The following RAB21 variants were observed in gnomAD, a reference collection of about 807,000 sequenced individuals.
RAB21 encodes RAB21, member RAS oncogene family.
RAB21 carries 13 observed loss-of-function variants against 33.1 expected under a neutral mutation model. That is an observed-to-expected ratio of 0.39 (90% CI 0.26 to 0.62). The LOEUF is 0.62. Ranked by LOEUF, RAB21 falls within the 20% of genes least tolerant of loss-of-function variation. The pLI, the probability that RAB21 is intolerant of heterozygous loss-of-function variation, is 0.48. For synonymous variants in RAB21, 91 were observed against 103.7 expected, an observed-to-expected ratio of 0.88 and a Z score of 0.74; for missense variants, 234 against 279.1, an observed-to-expected ratio of 0.84 and a Z score of 1.15.
rs1018866432 is a variant in RAB21, at chr12:71,790,778, C to T, written c.*5105C>T. 2.6e-5 allele frequency: 4 copies of T among 151,750 alleles called. No homozygotes were observed. The highest frequency in any genetic ancestry group is 5.9e-5 in the Non-Finnish European group (4 of 67,956). 9.4% of individuals were successfully genotyped at this position (151,750 alleles called of 1,614,324 possible). A position where few individuals can be genotyped will look rare whatever the true frequency, so the allele number is the denominator to read the frequency against. On this transcript the variant is annotated 3_prime_UTR_variant, in exon 7 of 7. Transcript: ENST00000261263. ...CTTACCCATGTGTTTTGCCATTTGC[C>T]TTTTCTCTTGCCAACGTGTCTAGGA...
At position 71,785,636 on chromosome 12, in the gene RAB21, C is replaced by T; in HGVS notation, c.641C>T (p.Ala214Val). Residue 214 changes from alanine to valine, a missense_variant, in exon 7 of 7, where the codon GCC (alanine) becomes GTC (valine). Coordinates refer to ENST00000261263, the MANE Select transcript of RAB21 (RefSeq NM_014999.4). ...GVQIIDDEPQ[A>V]QTSGGGCCSS... The stretch of plus-strand genomic sequence containing the variant: ...CAGATTATTGATGATGAACCTCAAG[C>T]CCAGACCAGTGGTGGAGGGTGCTGT... 2 of 1,614,142 alleles carry T rather than the reference C, an allele frequency of 1.2e-6. No individual in the cohort carries two copies. The highest frequency in any genetic ancestry group is 1.7e-6 in the Non-Finnish European group (2 of 1,180,024).
At chr12:71,758,485 A>G (rs1882822125) in intron 1 of RAB21, among the ~76,000 whole-genome samples, 2 of 150,558 alleles carry the variant, frequency 1.3e-5, no homozygotes, top group African/African-American at 2.4e-5. Context: ...TGACAGTGAC[A>G]TCGTTTTAAA....
At chr12:71,775,702 A>G (rs1883109315) in intron 4 of RAB21, among the ~76,000 whole-genome samples, 1 of 151,948 alleles carries the variant, frequency 6.6e-6, no homozygotes, top group Non-Finnish European at 1.5e-5. Flanking sequence ...ACGCCCAGCT[A>G]ATTTTTGTAT....
intron 1 of RAB21, among the ~76,000 whole-genome samples, chr12:71,763,417 T>A (rs1882909199): frequency 6.6e-6 from 1 of 152,160 alleles, no homozygotes; most frequent in Non-Finnish European, 1.5e-5. Flanking sequence ...TTCCCTGTTA[T>A]TTCTCTCTTA....
chr12:71,796,151 A>AT lies in RAB21; in HGVS notation c.*10478_*10479insT, dbSNP rs1328345464. On this transcript the variant is annotated 3_prime_UTR_variant, in exon 7 of 7. Transcript: ENST00000261263. Reference sequence around the variant, plus strand: ...AGAATAGCCTCTGTGGTATACACACAGACAATGTAAAATCCAAGAAATATA... The same window carrying AT: ...AGAATAGCCTCTGTGGTATACACACATGACAATGTAAAATCCAAGAAATATA... 5 of 137,520 alleles carry AT rather than the reference A, an allele frequency of 3.6e-5. No homozygotes were observed. The highest frequency in any genetic ancestry group is 7.6e-5 in the Non-Finnish European group (5 of 66,002). 8.5% of individuals were successfully genotyped at this position (137,520 alleles called of 1,614,324 possible). A position where few individuals can be genotyped will look rare whatever the true frequency, so the allele number is the denominator to read the frequency against.
In RAB21 at chr12:71,782,554, G is replaced by A; in HGVS notation, c.447-16G>A. The A allele has an allele frequency of 6.6e-7, 1 of 1,525,932 alleles. No individual in the cohort carries two copies. The highest frequency in any genetic ancestry group is 9.0e-7 in the Non-Finnish European group (1 of 1,116,770). The allele number at this position is 1,525,932 out of a possible 1,614,324, so 94.5% of individuals were successfully genotyped here. A position where few individuals can be genotyped will look rare whatever the true frequency, so the allele number is the denominator to read the frequency against. Reference sequence around the variant, plus strand: ...ATAATATTTTACATCAATCACCGATGTTACTTTTTTTTAAGGTATGCAGAA... The same window carrying A: ...ATAATATTTTACATCAATCACCGATATTACTTTTTTTTAAGGTATGCAGAA... On this transcript the variant is annotated splice_polypyrimidine_tract_variant and intron_variant, in intron 5 of 6. Coordinates refer to ENST00000261263, the MANE Select transcript of RAB21 (RefSeq NM_014999.4).
At position 71,793,930 on chromosome 12, in the gene RAB21, A is replaced by C. The variant is rs1447410864; in HGVS notation, c.*8257A>C. The stretch of plus-strand genomic sequence containing the variant: ...GCCCTTTCCAATCAAAAGTGTTAAA[A>C]GCTGGCTGGGAGCCATGGCTCATGC... On this transcript the variant is annotated 3_prime_UTR_variant, in exon 7 of 7. Transcript: ENST00000261263. The C allele has an allele frequency of 6.6e-6, 1 of 152,282 alleles. No homozygotes were observed. Among genetic ancestry groups the C allele is most frequent in the Non-Finnish European group, 1.5e-5 (1 of 68,104 alleles). The allele number at this position is 152,282 out of a possible 1,614,324, so 9.4% of individuals were successfully genotyped here.
chr12:71,755,614 C>T (rs1260813755), intron 1 of RAB21, among the ~76,000 whole-genome samples: 1 of 152,172 alleles, frequency 6.6e-6, no homozygotes, highest in African/African-American at 2.4e-5. Context: ...GTCAGTGTTG[C>T]AGTCTCCAAA....
intron 1 of RAB21, among the ~76,000 whole-genome samples, chr12:71,757,436 T>A (rs1360420126): frequency 6.6e-6 from 1 of 152,216 alleles, no homozygotes; most frequent in Non-Finnish European, 1.5e-5. Flanking sequence ...AAAATTACAC[T>A]TCCATTTTAA....
chr12:71,769,331 A>G (rs1883006705), intron 1 of RAB21, among the ~76,000 whole-genome samples: 1 of 152,210 alleles, frequency 6.6e-6, no homozygotes, highest in Non-Finnish European at 1.5e-5. Flanking sequence ...TTTCTCTGAC[A>G]TTAATACTTA....
At position 71,770,596 on chromosome 12, in the gene RAB21, C is replaced by A; in HGVS notation, c.224C>A (p.Thr75Lys). The change falls in exon 3 of 7, where the codon ACG becomes AAG. Residue 75 changes from threonine (T) to lysine (K), a missense_variant. Transcript: ENST00000261263. ...GKRVNLAIWD[T>K]AGQERFHALG... ...AGCATTTGTTGCTTTCTTTAGGATA[C>A]GGCAGGTCAAGAGAGATTCCATGCA... is the stretch of plus-strand genomic sequence containing the variant. 6.3e-7 allele frequency: 1 copy of A among 1,586,252 alleles called. No individual in the cohort carries two copies. Among genetic ancestry groups the A allele is most frequent in the Non-Finnish European group, 8.7e-7 (1 of 1,155,670 alleles).
Position 71,797,504 on chromosome 12 carries a change from T to C in RAB21, c.*11831T>C, listed in dbSNP as rs1883478431. On this transcript the variant is annotated 3_prime_UTR_variant, in exon 7 of 7. Coordinates refer to ENST00000261263, the MANE Select transcript of RAB21 (RefSeq NM_014999.4). ...TTCAAACACATGGAGATGCATATCA[T>C]ATTCTTGGATAGGAAGACAACATAC... is the stretch of plus-strand genomic sequence containing the variant. The C allele has an allele frequency of 6.6e-6, 1 of 150,934 alleles. No individual in the cohort carries two copies. The highest frequency in any genetic ancestry group is 1.5e-5 in the Non-Finnish European group (1 of 67,892). The allele number at this position is 150,934 out of a possible 1,614,324, so 9.3% of individuals were successfully genotyped here. A position where few individuals can be genotyped will look rare whatever the true frequency, so the allele number is the denominator to read the frequency against.
chr12:71,782,734 AC>A, intron 6 of RAB21, 76 bp downstream of exon 6: 1 of 927,516 alleles, frequency 1.1e-6, no homozygotes, highest in Non-Finnish European at 1.6e-6. Flanking sequence ...TGTATTTTAC[AC>A]CAGTGTTACT....
chr12:71,788,196 G>A lies in RAB21; in HGVS notation c.*2523G>A, dbSNP rs977397275. 9.2e-5 allele frequency: 14 copies of A among 152,104 alleles called. 1 individual carries two copies. The highest frequency in any genetic ancestry group is 2.4e-4 in the African/African-American group (10 of 41,412). 9.4% of individuals were successfully genotyped at this position (152,104 alleles called of 1,614,324 possible). The stretch of plus-strand genomic sequence containing the variant: ...CGTTCTAAAGCCTGATAATTGGAGA[G>A]CTATACTTCAGCTTTTCATCCTACT... On this transcript the variant is annotated 3_prime_UTR_variant, in exon 7 of 7. Coordinates refer to ENST00000261263, the MANE Select transcript of RAB21 (RefSeq NM_014999.4).
chr12:71,758,122 T>G (rs975938975), intron 1 of RAB21, among the ~76,000 whole-genome samples: 1 of 152,006 alleles, frequency 6.6e-6, no homozygotes, highest in Non-Finnish European at 1.5e-5. Flanking sequence ...AACCTCTGCC[T>G]CCTGGATTCA....
chr12:71,783,968 A>G (rs1416855823), intron 6 of RAB21, among the ~76,000 whole-genome samples: 1 of 152,108 alleles, frequency 6.6e-6, no homozygotes, highest in Non-Finnish European at 1.5e-5. Context: ...CATGCTCCAC[A>G]TGTTTATTTA....
intron 1 of RAB21, among the ~76,000 whole-genome samples, chr12:71,760,221 G>A (rs1311212120): frequency 6.6e-6 from 1 of 152,138 alleles, no homozygotes. Flanking sequence ...TTTTCACTGA[G>A]ATCTACATTT....
intron 6 of RAB21, among the ~76,000 whole-genome samples, chr12:71,783,721 A>G (rs1592650668): frequency 6.6e-6 from 1 of 152,146 alleles, no homozygotes; most frequent in Non-Finnish European, 1.5e-5. Context: ...CCAATGCTGT[A>G]CATAACAACT....
rs1047204648 is a variant in RAB21 at position 71,787,600 on chromosome 12, A to G, written c.*1927A>G. ...CTCAAATGGGTTAAAAGTTGAATGA[A>G]TTGACACCCTGATGTTATGATGTTG... On this transcript the variant is annotated 3_prime_UTR_variant, in exon 7 of 7. Transcript: ENST00000261263. 11 of 152,190 alleles carry G rather than the reference A, an allele frequency of 7.2e-5. No homozygotes were observed. The highest frequency in any genetic ancestry group is 2.9e-5 in the Non-Finnish European group (2 of 68,026). 9.4% of individuals were successfully genotyped at this position (152,190 alleles called of 1,614,324 possible).
Sources: gnomAD v4.1 joint callset for allele counts (sites outside exome capture counted in the v4.1 genomes callset) on GRCh38, gnomAD v4.1.1 for gene constraint, MANE v1.5 for transcripts, NCBI Gene and HGNC (gene_info 2026-07-23, HGNC 2026-07-21) for gene names.